The following OR52N4 variants were observed in gnomAD, a reference collection of about 807,000 sequenced individuals.
The protein encoded by OR52N4 is olfactory receptor family 52 subfamily N member 4.
In OR52N4, 15 loss-of-function variants were observed where a neutral mutation model predicts 15.0. The ratio of observed to expected loss-of-function variants is 1.00; its 90% CI spans 0.67 to 1.54. The LOEUF (loss-of-function observed/expected upper bound fraction) is 1.54, where lower values mean the gene tolerates loss of function less well. Ranked by LOEUF, OR52N4 falls within the 40% of genes most tolerant of loss-of-function variation. The pLI is 0.00. For synonymous variants in OR52N4, 143 were observed against 143.7 expected, an observed-to-expected ratio of 1.00 and a Z score of 0.03; for missense variants, 421 against 394.0, an observed-to-expected ratio of 1.07 and a Z score of -0.58.
At chr11:5,742,157 A>G in the OR52N4 span, among the ~76,000 whole-genome samples, 1 of 152,054 alleles carries the variant, frequency 6.6e-6, no homozygotes, top group African/African-American at 2.4e-5. Flanking sequence ...AGAAAGAAAA[A>G]CAGAAAAAAG....
chr11:5,755,208 A>C lies in OR52N4; in HGVS notation c.468A>C (p.Leu156Phe). ...VGTATFLRGV[L>F]LIIPFTFLTK... Reference sequence around the variant, plus strand: ...CTGCCACCTTCCTGAGAGGGGTATTACTCATTATTCCCTTTACTTTCCTCA... The same window carrying C: ...CTGCCACCTTCCTGAGAGGGGTATTCCTCATTATTCCCTTTACTTTCCTCA... Residue 156 changes from leucine to phenylalanine, a missense_variant, in exon 2 of 2, where the codon TTA becomes TTC. Leu to Phe is a conservative substitution (Grantham distance 22). Coordinates refer to ENST00000641350, the MANE Select transcript of OR52N4 (RefSeq NM_001005175.5). 1 of 1,613,838 alleles carries C rather than the reference A, an allele frequency of 6.2e-7. No homozygotes were observed. The highest frequency in any genetic ancestry group is 8.5e-7 in the Non-Finnish European group (1 of 1,179,922).
In OR52N4 at chr11:5,755,852, G is replaced by A. The variant is rs988653459; in HGVS notation, c.*146G>A. ...GGTGCATTCTCAATAAGTACCTTGG[G>A]AATCTCAACATCATTGGAAGGCCCA... On this transcript the variant is annotated 3_prime_UTR_variant, in exon 2 of 2. Coordinates refer to ENST00000641350, the MANE Select transcript of OR52N4 (RefSeq NM_001005175.5). 3.2e-6 allele frequency: 3 copies of A among 948,260 alleles called. No individual in the cohort carries two copies. Among genetic ancestry groups the A allele is most frequent in the East Asian group, 2.6e-5 (1 of 37,958 alleles). The allele number at this position is 948,260 out of a possible 1,614,324, so 58.7% of individuals were successfully genotyped here. A position where few individuals can be genotyped will look rare whatever the true frequency, so the allele number is the denominator to read the frequency against.
chr11:5,751,950 G>A (rs991438279), upstream of OR52N4, among the ~76,000 whole-genome samples: 1 of 152,094 alleles, frequency 6.6e-6, no homozygotes, highest in Non-Finnish European at 1.5e-5. Context: ...GAGACCTCCT[G>A]ATGATGGTTC....
At chr11:5,750,403 GA>G (rs1200575385), upstream of OR52N4, among the ~76,000 whole-genome samples, 2 of 151,804 alleles carry the variant, frequency 1.3e-5, no homozygotes, top group Non-Finnish European at 2.9e-5. Context: ...TTAACTCCAA[GA>G]AAAGCTGCAA....
chr11:5,755,667 C>G lies in OR52N4; in HGVS notation c.927C>G (p.Ile309Met). 6.2e-7 allele frequency: 1 copy of G among 1,613,652 alleles called. No individual in the cohort carries two copies. Among genetic ancestry groups the G allele is most frequent in the Non-Finnish European group, 8.5e-7 (1 of 1,179,732 alleles). Residue 309 changes from isoleucine (I) to methionine (M), a missense_variant, in exon 2 of 2, where the codon ATC (isoleucine) becomes ATG (methionine). Coordinates refer to ENST00000641350, the MANE Select transcript of OR52N4 (RefSeq NM_001005175.5). Reference protein sequence around the residue: ...TKQIRDCVIRILSGSKDTKSY... With the variant: ...TKQIRDCVIRMLSGSKDTKSY... ...AGATACGAGACTGTGTCATAAGGAT[C>G]CTTTCAGGTTCTAAGGATACCAAAT...
At chr11:5,748,482 TAA>T in the OR52N4 span, among the ~76,000 whole-genome samples, 8 of 151,934 alleles carry the variant, frequency 5.3e-5, no homozygotes, top group East Asian at 1.3e-3. Context: ...ATTTAATATA[TAA>T]GTGTAATAAG....
chr11:5,737,867 C>T, the OR52N4 span: 235 of 168,042 alleles, frequency 1.4e-3, no homozygotes, highest in Middle Eastern at 3.1e-3. Flanking sequence ...GTCATGCTTG[C>T]GCATTGTTAG....
At chr11:5,741,345 C>T in the OR52N4 span, among the ~76,000 whole-genome samples, 1 of 152,000 alleles carries the variant, frequency 6.6e-6, no homozygotes, top group Non-Finnish European at 1.5e-5. Context: ...TATTGAACAC[C>T]CTGGTCAGAA....
At chr11:5,730,868 T>C in the OR52N4 span, among the ~76,000 whole-genome samples, 2 of 151,690 alleles carry the variant, frequency 1.3e-5, no homozygotes, top group Admixed American at 1.3e-4. Context: ...CTTGCCTTTT[T>C]GTTTCTTTCA....
chr11:5,730,009 C>A, the OR52N4 span, among the ~76,000 whole-genome samples: 1 of 151,862 alleles, frequency 6.6e-6, no homozygotes, highest in Non-Finnish European at 1.5e-5. Context: ...GCACATTTGC[C>A]CCATAGAAAA....
At chr11:5,727,869 G>A in the OR52N4 span, among the ~76,000 whole-genome samples, 2 of 152,174 alleles carry the variant, frequency 1.3e-5, no homozygotes, top group Non-Finnish European at 2.9e-5. Flanking sequence ...TCAGAAGATA[G>A]GACAATATAG....
the OR52N4 span, chr11:5,736,651 C>T: frequency 6.2e-7 from 1 of 1,614,040 alleles, no homozygotes; most frequent in South Asian, 1.1e-5. Flanking sequence ...TACTGTATCT[C>T]TCAGCACTTG....
chr11:5,744,258 A>T, the OR52N4 span, among the ~76,000 whole-genome samples: 1 of 152,276 alleles, frequency 6.6e-6, no homozygotes, highest in Non-Finnish European at 1.5e-5. Flanking sequence ...AGGCATTCAC[A>T]ATCAAATTCT....
chr11:5,728,340 A>G, the OR52N4 span, among the ~76,000 whole-genome samples: 1 of 152,150 alleles, frequency 6.6e-6, no homozygotes, highest in Non-Finnish European at 1.5e-5. Flanking sequence ...TAATTCTTCT[A>G]TTTATTTATA....
the OR52N4 span, among the ~76,000 whole-genome samples, chr11:5,748,746 GC>G: frequency 2.0e-5 from 3 of 151,888 alleles, no homozygotes; most frequent in African/African-American, 4.8e-5. Context: ...CTACTTCTGT[GC>G]TTTTGATATC....
the OR52N4 span, chr11:5,737,183 A>C: frequency 6.2e-7 from 1 of 1,613,986 alleles, no homozygotes; most frequent in Non-Finnish European, 8.5e-7. Flanking sequence ...TCTAAGTCTT[A>C]TTATACTGTC....
chr11:5,746,731 T>C, the OR52N4 span, among the ~76,000 whole-genome samples: 2 of 152,046 alleles, frequency 1.3e-5, no homozygotes, highest in African/African-American at 2.4e-5. Context: ...TGGAAAACAG[T>C]ATGGAGATTT....
At chr11:5,753,163 T>C (rs1186810748), upstream of OR52N4, among the ~76,000 whole-genome samples, 1 of 152,170 alleles carries the variant, frequency 6.6e-6, no homozygotes, top group Non-Finnish European at 1.5e-5. Flanking sequence ...GAAATGGCAA[T>C]GGTGGTCATG....
chr11:5,734,741 G>C, the OR52N4 span, among the ~76,000 whole-genome samples: 1 of 152,016 alleles, frequency 6.6e-6, no homozygotes, highest in South Asian at 2.1e-4. Context: ...TACATCAAAT[G>C]GGTTACATAC....
Sources: gnomAD v4.1 joint callset for allele counts (sites outside exome capture counted in the v4.1 genomes callset) on GRCh38, gnomAD v4.1.1 for gene constraint, MANE v1.5 for transcripts, NCBI Gene and HGNC (gene_info 2026-07-23, HGNC 2026-07-21) for gene names.